The following MDGA2 variants were observed in gnomAD, a reference collection of about 807,000 sequenced individuals.
MDGA2 encodes MAM domain containing glycosylphosphatidylinositol anchor 2.
Under a neutral mutation model 117.8 loss-of-function variants are expected in MDGA2, and 40 were observed. That is an observed-to-expected ratio of 0.34 (90% confidence interval 0.26 to 0.44). The LOEUF is 0.44. Among genes scored for constraint, MDGA2 ranks in the 20% least tolerant of loss-of-function variants. The probability of loss-of-function intolerance (pLI) is 1.00; values close to 1 mark genes in which losing one functional copy is unlikely to be tolerated. For synonymous variants in MDGA2, 452 were observed against 439.0 expected, an observed-to-expected ratio of 1.03 and a Z score of -0.37; for missense variants, 1,123 against 1,250.6, an observed-to-expected ratio of 0.90 and a Z score of 1.54.
At chr14:47,474,917 C>T (rs1425138782) in intron 1 of MDGA2, among the ~76,000 whole-genome samples, 1 of 151,988 alleles carries the variant, frequency 6.6e-6, no homozygotes, top group Non-Finnish European at 1.5e-5. Context: ...AGTACTTAGG[C>T]GTGGGTGAAG....
At chr14:47,175,011 C>T (rs1189253069) in intron 3 of MDGA2, among the ~76,000 whole-genome samples, 1 of 152,062 alleles carries the variant, frequency 6.6e-6, no homozygotes, top group Non-Finnish European at 1.5e-5. Context: ...TCAGAGAATA[C>T]TACAAACACC....
chr14:46,941,886 C>G (rs1371741686), intron 9 of MDGA2, among the ~76,000 whole-genome samples: 1 of 152,144 alleles, frequency 6.6e-6, no homozygotes, highest in African/African-American at 2.4e-5. Flanking sequence ...TGTGAGCAAG[C>G]TGTAAGACAC....
At chr14:46,953,993 A>C (rs1241516343) in intron 9 of MDGA2, among the ~76,000 whole-genome samples, 1 of 152,028 alleles carries the variant, frequency 6.6e-6, no homozygotes, top group Non-Finnish European at 1.5e-5. Flanking sequence ...AAGCTGCTGG[A>C]AACATCTTTT....
intron 2 of MDGA2, among the ~76,000 whole-genome samples, chr14:47,228,216 T>C (rs945213566): frequency 1.3e-5 from 2 of 152,212 alleles, no homozygotes; most frequent in African/African-American, 4.8e-5. Flanking sequence ...GTTTCATAAC[T>C]TGAAAAGTAG....
intron 3 of MDGA2, among the ~76,000 whole-genome samples, chr14:47,155,036 A>G (rs74351395): frequency 6.6e-6 from 1 of 152,198 alleles, no homozygotes; most frequent in East Asian, 1.9e-4. Context: ...AGACAACAGG[A>G]TAACCTCCCT....
At chr14:47,436,709 AT>A (rs1424797333) in intron 1 of MDGA2, among the ~76,000 whole-genome samples, 2 of 152,044 alleles carry the variant, frequency 1.3e-5, no homozygotes, top group Middle Eastern at 3.2e-3. Flanking sequence ...TCACAAAAAC[AT>A]TTTTTTAGGA....
At chr14:47,525,084 TA>T (rs1894943807) in intron 1 of MDGA2, among the ~76,000 whole-genome samples, 1 of 152,234 alleles carries the variant, frequency 6.6e-6, no homozygotes, top group Non-Finnish European at 1.5e-5. Context: ...CTTCATTTGT[TA>T]AACTTGCCTA....
At chr14:47,172,204 C>T (rs1429290714) in intron 3 of MDGA2, among the ~76,000 whole-genome samples, 3 of 152,180 alleles carry the variant, frequency 2.0e-5, no homozygotes, top group Admixed American at 1.3e-4. Flanking sequence ...CTGTAGGCCC[C>T]GCCTCTGGGG....
At chr14:47,570,756 C>G (rs1896004018) in intron 1 of MDGA2, among the ~76,000 whole-genome samples, 1 of 152,048 alleles carries the variant, frequency 6.6e-6, no homozygotes, top group Non-Finnish European at 1.5e-5. Context: ...AAAATTAATT[C>G]AAGATGGATT....
At chr14:47,614,452 G>A (rs1896913055) in intron 1 of MDGA2, among the ~76,000 whole-genome samples, 1 of 152,102 alleles carries the variant, frequency 6.6e-6, no homozygotes, top group African/African-American at 2.4e-5. Flanking sequence ...TTATAGAGCA[G>A]AAGCCTACCT....
chr14:47,087,460 CAAAAAA>C (rs749371957), intron 6 of MDGA2, among the ~76,000 whole-genome samples: 271 of 67,974 alleles, frequency 4.0e-3, no homozygotes, highest in Middle Eastern at 0.011. Context: ...GACTCCACAT[CAAAAAA>C]AAAAAAAAAA....
At chr14:47,317,170 A>C (rs1285608140) in intron 1 of MDGA2, among the ~76,000 whole-genome samples, 1 of 152,110 alleles carries the variant, frequency 6.6e-6, no homozygotes, top group Admixed American at 6.6e-5. Flanking sequence ...ATGAAATACA[A>C]ATATTTCTGC....
intron 1 of MDGA2, among the ~76,000 whole-genome samples, chr14:47,492,580 G>T (rs1894194105): frequency 6.6e-6 from 1 of 152,048 alleles, no homozygotes; most frequent in African/African-American, 2.4e-5. Flanking sequence ...TTGTACTTTA[G>T]CAGAGGAAAA....
At chr14:47,319,445 C>G (rs1054460397) in intron 1 of MDGA2, among the ~76,000 whole-genome samples, 6 of 152,102 alleles carry the variant, frequency 3.9e-5, no homozygotes, top group Non-Finnish European at 8.8e-5. Context: ...TATGTTCCTC[C>G]TATTACATCA....
intron 3 of MDGA2, among the ~76,000 whole-genome samples, chr14:47,208,495 C>T (rs968831671): frequency 3.3e-5 from 5 of 150,580 alleles, no homozygotes; most frequent in Non-Finnish European, 7.4e-5. Flanking sequence ...TATTAGCTCA[C>T]TTTACTTGTA....
chr14:47,097,221 G>A, intron 5 of MDGA2, 98 bp from the exon 6 acceptor site: 1 of 1,327,960 alleles, frequency 7.5e-7, no homozygotes, highest in Non-Finnish European at 1.0e-6. Context: ...AAATTAAAAT[G>A]AAATATAGTC....
intron 1 of MDGA2, among the ~76,000 whole-genome samples, chr14:47,320,508 A>ATCCT (rs1194880244): frequency 6.6e-6 from 1 of 151,774 alleles, no homozygotes. Flanking sequence ...ACATCTACCT[A>ATCCT]TCCTTCCTTC....
intron 1 of MDGA2, among the ~76,000 whole-genome samples, chr14:47,643,415 C>A (rs1897466344): frequency 1.3e-5 from 2 of 151,996 alleles, no homozygotes; most frequent in African/African-American, 2.4e-5. Context: ...TTAATGATTT[C>A]TCTACACCAT....
chr14:46,886,870 G>A (rs189821076), intron 10 of MDGA2, among the ~76,000 whole-genome samples: 46 of 151,936 alleles, frequency 3.0e-4, no homozygotes, highest in African/African-American at 9.7e-4. Context: ...TGTATATGGC[G>A]TTTGTGGTAC....
Sources: gnomAD v4.1 joint callset for allele counts (sites outside exome capture counted in the v4.1 genomes callset) on GRCh38, gnomAD v4.1.1 for gene constraint, MANE v1.5 for transcripts, NCBI Gene and HGNC (gene_info 2026-07-23, HGNC 2026-07-21) for gene names.